Variants in VPS33A observed in about 807,000 individuals in gnomAD.
VPS33A encodes vacuolar protein sorting-associated protein 33A.
Under a neutral mutation model 71.8 loss-of-function variants are expected in VPS33A, and 32 were observed. The ratio of observed to expected loss-of-function variants is 0.45; its 90% CI spans 0.34 to 0.60. The LOEUF (loss-of-function observed/expected upper bound fraction) is 0.60. Among genes scored for constraint, VPS33A ranks in the 20% least tolerant of loss-of-function variants. The pLI is 0.02. For synonymous variants in VPS33A, 311 were observed against 292.7 expected, an observed-to-expected ratio of 1.06 and a Z score of -0.64; for missense variants, 625 against 748.5, an observed-to-expected ratio of 0.84 and a Z score of 1.92.
At chr12:122,253,370 T>C (rs1954870354) in intron 4 of VPS33A, 2 of 152,486 alleles carry the variant, frequency 1.3e-5, no homozygotes, top group African/African-American at 2.4e-5. Flanking sequence ...CTGACCAAAA[T>C]GGTGAAACCC....
At chr12:122,249,379 C>T (rs1366651708) in intron 6 of VPS33A, 1 of 152,250 alleles carries the variant, frequency 6.6e-6, no homozygotes, top group Non-Finnish European at 1.5e-5. Context: ...TGTGCCACCA[C>T]ACTCAGCTAA....
At chr12:122,236,315 A>T (rs552046684) in intron 10 of VPS33A, among the ~76,000 whole-genome samples, 82 of 152,226 alleles carry the variant, frequency 5.4e-4, no homozygotes, top group Admixed American at 1.1e-3. Flanking sequence ...AAAAAATAAC[A>T]TGTAGAGTAG....
intron 6 of VPS33A, chr12:122,248,668 C>G (rs539803223): frequency 2.0e-5 from 3 of 152,388 alleles, no homozygotes; most frequent in Admixed American, 1.3e-4. Flanking sequence ...TTGCTTGGCT[C>G]GTCATGACTC....
intron 9 of VPS33A, 35 bp from the exon 10 acceptor site, chr12:122,238,759 T>C: frequency 1.4e-6 from 2 of 1,463,794 alleles, no homozygotes; most frequent in Non-Finnish European, 1.8e-6. Context: ...ACATATACAT[T>C]TACATATACA....
chr12:122,266,493 A>G lies in VPS33A; in HGVS notation c.-85T>C. 1 of 1,538,646 alleles carries G rather than the reference A, an allele frequency of 6.5e-7. No individual in the cohort carries two copies. Among genetic ancestry groups the G allele is most frequent in the South Asian group, 1.2e-5 (1 of 84,762 alleles). On this transcript the variant is annotated 5_prime_UTR_variant, in exon 1 of 13. Transcript: ENST00000267199. ...ACCACGGACGCAGTCACGTGACCAA[A>G]CGTCCACGTGACCGGTACGGCAGCG...
chr12:122,266,051 G>A (rs1032965799), intron 1 of VPS33A, among the ~76,000 whole-genome samples: 5 of 152,222 alleles, frequency 3.3e-5, no homozygotes, highest in African/African-American at 1.2e-4. Context: ...CAGCTCATCA[G>A]CTGCCGGGCT....
chr12:122,252,752 T>G (rs1158398828), intron 4 of VPS33A: 1 of 152,204 alleles, frequency 6.6e-6, no homozygotes, highest in African/African-American at 2.4e-5. Context: ...AATCTCTTTG[T>G]GCCTCAATTT....
At chr12:122,239,359 G>A (rs1566039640) in intron 9 of VPS33A, among the ~76,000 whole-genome samples, 1 of 152,174 alleles carries the variant, frequency 6.6e-6, no homozygotes, top group Non-Finnish European at 1.5e-5. Context: ...GCCATGTATG[G>A]CAGAAAGTGT....
intron 6 of VPS33A, among the ~76,000 whole-genome samples, chr12:122,245,894 A>C (rs1954770171): frequency 6.6e-6 from 1 of 152,212 alleles, no homozygotes. Context: ...AGCCTAAAAT[A>C]CTTACTATCT....
At position 122,235,887 on chromosome 12, in the gene VPS33A, G is replaced by T. The variant is rs371402962; in HGVS notation, c.1339C>A (p.Leu447Met). The T allele has an allele frequency of 7.4e-5, 120 of 1,613,566 alleles. No homozygotes were observed. The highest frequency in any genetic ancestry group is 1.0e-4 in the Non-Finnish European group (118 of 1,179,832). ...GYEHILTLHNLEKAGLLKPQT... is the reference protein window; with the variant it reads ...GYEHILTLHNMEKAGLLKPQT... The stretch of plus-strand genomic sequence containing the variant: ...GGTTTCAGCAGGCCGGCCTTCTCCA[G>T]GTTGTGTAAGGTCAATATGTGCTCA... The change falls in exon 11 of 13, where the codon CTG becomes ATG. Residue 447 changes from leucine (L) to methionine (M), a missense_variant. Transcript: ENST00000267199.
chr12:122,255,529 C>T (rs1954905129), intron 4 of VPS33A, among the ~76,000 whole-genome samples: 1 of 151,976 alleles, frequency 6.6e-6, no homozygotes. Context: ...CATGGTGAAA[C>T]CCCGTCTCTA....
rs991177498 is a variant in VPS33A, at chr12:122,231,138, C to G, written c.*1108G>C. ...TGGACAGAAGAGAAAACGGAAACCT[C>G]AATGGAGGCACCCACCACTGCTGTG... On this transcript the variant is annotated 3_prime_UTR_variant, in exon 13 of 13. Transcript: ENST00000267199. The G allele has an allele frequency of 6.6e-6, 1 of 152,198 alleles. No homozygotes were observed. Among genetic ancestry groups the G allele is most frequent in the Non-Finnish European group, 1.5e-5 (1 of 68,054 alleles). The allele number at this position is 152,198 out of a possible 1,614,324, so 9.4% of individuals were successfully genotyped here.
At chr12:122,235,264 C>CTT (rs1305150700) in intron 11 of VPS33A, among the ~76,000 whole-genome samples, 12 of 138,952 alleles carry the variant, frequency 8.6e-5, no homozygotes, top group East Asian at 2.1e-4. Context: ...TGCCCCATAA[C>CTT]TTTTTTTTTT....
intron 7 of VPS33A, among the ~76,000 whole-genome samples, chr12:122,243,302 G>A (rs1363056416): frequency 2.0e-5 from 3 of 152,162 alleles, no homozygotes; most frequent in African/African-American, 4.8e-5. Flanking sequence ...CTGGAGTGCA[G>A]TGGTGTCATC....
rs369663430 is a variant in VPS33A at position 122,259,332 on chromosome 12, G to A, written c.483+1929C>T. Among the ~76,000 whole-genome samples the A allele has an allele frequency of 2.6e-5, 4 of 152,100 alleles. No homozygotes were observed. The South Asian group carries it at 6.2e-4, about 24-fold the overall frequency. On this transcript the variant is annotated intron_variant, in intron 4 of 12. Transcript: ENST00000267199. ...CCTCCCAGGTTCAAGCAATTCTCCC[G>A]CCTCAGCCTCCCAAGTAGCTGGGAT...
intron 11 of VPS33A, among the ~76,000 whole-genome samples, chr12:122,235,415 C>A (rs142503040): frequency 6.6e-6 from 1 of 152,034 alleles, no homozygotes; most frequent in Non-Finnish European, 1.5e-5. Flanking sequence ...CAGGCACGCA[C>A]CACAATGCTG....
intron 4 of VPS33A, among the ~76,000 whole-genome samples, chr12:122,257,663 A>T (rs1954938073): frequency 6.6e-6 from 1 of 151,414 alleles, no homozygotes; most frequent in Non-Finnish European, 1.5e-5. Context: ...ACAGTGTGAG[A>T]CTCCATCTCA....
At chr12:122,246,848 C>T (rs538729269) in intron 6 of VPS33A, among the ~76,000 whole-genome samples, 54 of 152,204 alleles carry the variant, frequency 3.5e-4, no homozygotes, top group Middle Eastern at 3.4e-3. Context: ...GTGATTGGCC[C>T]GCCTTGGCCT....
In VPS33A at chr12:122,262,468, T is replaced by C. The variant is rs150359407; in HGVS notation, c.297-1021A>G. ...TTTTGACTCCCACTCCTACTCTCCT[T>C]GACAGAGAACTTCCAAAAATAGCCC... is the stretch of plus-strand genomic sequence containing the variant. On this transcript the variant is annotated intron_variant, in intron 3 of 12. Transcript: ENST00000267199. Among the ~76,000 whole-genome samples the C allele has an allele frequency of 7.2e-5, 11 of 152,310 alleles. No individual in the cohort carries two copies. The East Asian group carries it at 2.1e-3, about 29-fold the overall frequency.
Sources: gnomAD v4.1 joint callset for allele counts (sites outside exome capture counted in the v4.1 genomes callset) on GRCh38, gnomAD v4.1.1 for gene constraint, MANE v1.5 for transcripts, NCBI Gene and HGNC (gene_info 2026-07-23, HGNC 2026-07-21) for gene names.